TSNARE1: variants seen among roughly 807,000 people sequenced by gnomAD.
The protein encoded by TSNARE1 is t-SNARE domain containing 1, also known as t-SNARE domain-containing protein 1.
Under a neutral mutation model 62.0 loss-of-function variants are expected in TSNARE1, and 49 were observed. The ratio of observed to expected loss-of-function variants is 0.79; its 90% CI spans 0.63 to 1.00. The LOEUF is 1.00. Ranked by LOEUF, TSNARE1 falls within the 50% of genes least tolerant of loss-of-function variation. The pLI is 0.00. For synonymous variants in TSNARE1, 328 were observed against 294.4 expected, an observed-to-expected ratio of 1.11 and a Z score of -1.17; for missense variants, 755 against 700.1, an observed-to-expected ratio of 1.08 and a Z score of -0.88.
chr8:142,257,184 G>A (rs1818627826), intron 12 of TSNARE1, among the ~76,000 whole-genome samples: 1 of 152,182 alleles, frequency 6.6e-6, no homozygotes, highest in Non-Finnish European at 1.5e-5. Context: ...CCCACTTCGG[G>A]GGTGACCTTG....
At chr8:142,295,028 T>C (rs1824449658) in intron 10 of TSNARE1, among the ~76,000 whole-genome samples, 1 of 152,128 alleles carries the variant, frequency 6.6e-6, no homozygotes, top group Non-Finnish European at 1.5e-5. Context: ...CACCAGGGGC[T>C]ACCCAAGGCT....
In TSNARE1 at chr8:142,292,000, T is replaced by C. The variant is rs894824780; in HGVS notation, c.1291-7515A>G. The stretch of plus-strand genomic sequence containing the variant: ...CCCACCTGTTTCAAGCAGAATGTGA[T>C]AGAAGGGACACTGTAGGGTTTCTGA... On this transcript the variant is annotated intron_variant, in intron 10 of 13. Transcript: ENST00000524325. This position sits in a 1 kb window ranked among gnomAD's most constrained non-coding sequence, Gnocchi z 4.8. Among the ~76,000 whole-genome samples, 4 of 150,724 alleles carry C rather than the reference T, an allele frequency of 2.7e-5. No homozygotes were observed. Among genetic ancestry groups the C allele is most frequent in the African/African-American group, 9.8e-5 (4 of 40,750 alleles).
At chr8:142,398,580 C>T (rs1453051162) in intron 1 of TSNARE1, among the ~76,000 whole-genome samples, 2 of 152,198 alleles carry the variant, frequency 1.3e-5, no homozygotes, top group African/African-American at 4.8e-5. Flanking sequence ...CACCTCCTCA[C>T]TCCACTGCCT....
chr8:142,312,107 T>A (rs1205661700), intron 9 of TSNARE1, among the ~76,000 whole-genome samples: 1 of 152,232 alleles, frequency 6.6e-6, no homozygotes, highest in African/African-American at 2.4e-5. Flanking sequence ...ACTTATTGGA[T>A]GAACATTCCT....
chr8:142,389,664 T>G (rs1467435576), intron 1 of TSNARE1, among the ~76,000 whole-genome samples: 2 of 152,140 alleles, frequency 1.3e-5, no homozygotes, highest in African/African-American at 2.4e-5. Context: ...CTGGACTGAT[T>G]CCAAAAGATC....
At chr8:142,285,417 T>G (rs1822556058) in intron 10 of TSNARE1, among the ~76,000 whole-genome samples, 1 of 121,598 alleles carries the variant, frequency 8.2e-6, no homozygotes, top group Non-Finnish European at 1.7e-5. Flanking sequence ...GGTGGATGGA[T>G]GGATGGATGG....
At chr8:142,215,899 C>T (rs1815808558) in intron 13 of TSNARE1, among the ~76,000 whole-genome samples, 1 of 152,240 alleles carries the variant, frequency 6.6e-6, no homozygotes, top group Non-Finnish European at 1.5e-5. Flanking sequence ...GCCTGCACCC[C>T]AGGCTGGCTT....
At chr8:142,368,213 G>A (rs915660269) in intron 1 of TSNARE1, among the ~76,000 whole-genome samples, 2 of 150,948 alleles carry the variant, frequency 1.3e-5, no homozygotes, top group South Asian at 2.1e-4. Context: ...GCCAAAGGAC[G>A]AATATTATCC....
intron 1 of TSNARE1, among the ~76,000 whole-genome samples, chr8:142,399,746 C>T (rs891752416): frequency 6.6e-6 from 1 of 152,180 alleles, no homozygotes; most frequent in African/African-American, 2.4e-5. Context: ...AGGAGGGCTG[C>T]TCAGGAGTCT....
chr8:142,275,840 C>T (rs1820389835), intron 11 of TSNARE1: 1 of 880,146 alleles, frequency 1.1e-6, no homozygotes. Context: ...GGGACTGCTG[C>T]CAGGCACAGC....
intron 12 of TSNARE1, among the ~76,000 whole-genome samples, chr8:142,251,723 G>A (rs1818173003): frequency 6.6e-6 from 1 of 151,060 alleles, no homozygotes; most frequent in Non-Finnish European, 1.5e-5. Flanking sequence ...CGGGCACCAT[G>A]TACCCGCCAC....
chr8:142,270,938 T>C (rs1395625834), intron 12 of TSNARE1: 3 of 985,258 alleles, frequency 3.0e-6, no homozygotes, highest in South Asian at 4.7e-5. Flanking sequence ...ACAGCCCACA[T>C]CCTCTCATCC....
chr8:142,301,940 G>A (rs891702201), intron 9 of TSNARE1, among the ~76,000 whole-genome samples: 4 of 152,208 alleles, frequency 2.6e-5, no homozygotes, highest in African/African-American at 9.6e-5. Flanking sequence ...ATCAAGGTTC[G>A]GTGAGTGCAA....
intron 9 of TSNARE1, 78 bp from the exon 10 acceptor site, chr8:142,300,722 A>G: frequency 6.7e-7 from 1 of 1,502,294 alleles, no homozygotes; most frequent in South Asian, 1.2e-5. Context: ...ATTCAACAAA[A>G]TGGTGCTTTT....
intron 9 of TSNARE1, among the ~76,000 whole-genome samples, chr8:142,305,304 G>C (rs1481137546): frequency 6.8e-6 from 1 of 146,098 alleles, no homozygotes; most frequent in East Asian, 2.2e-4. Context: ...GCCACCTCCT[G>C]CATGTGGAGA....
chr8:142,298,694 A>T (rs1825171467), intron 10 of TSNARE1, among the ~76,000 whole-genome samples: 1 of 152,078 alleles, frequency 6.6e-6, no homozygotes, highest in African/African-American at 2.4e-5. Flanking sequence ...CTTAATCAAT[A>T]AGCAGCGCCT....
At chr8:142,236,798 T>C (rs996924683) in intron 12 of TSNARE1, among the ~76,000 whole-genome samples, 2 of 152,152 alleles carry the variant, frequency 1.3e-5, no homozygotes, top group Admixed American at 6.5e-5. Flanking sequence ...TGCATATTCA[T>C]TGCCTATGTG....
chr8:142,363,409 T>TAAAGCCCC (rs1356680500), intron 1 of TSNARE1, among the ~76,000 whole-genome samples: 1 of 152,040 alleles, frequency 6.6e-6, no homozygotes, highest in Non-Finnish European at 1.5e-5. Context: ...AGATGTGGGT[T>TAAAGCCCC]AAAGCCCCGA....
chr8:142,336,900 T>C (rs1326909169), intron 4 of TSNARE1, among the ~76,000 whole-genome samples: 1 of 152,128 alleles, frequency 6.6e-6, no homozygotes, highest in Non-Finnish European at 1.5e-5. Flanking sequence ...CACAACACAC[T>C]TCTAAATAAT....
Sources: gnomAD v4.1 joint callset for allele counts (sites outside exome capture counted in the v4.1 genomes callset) on GRCh38, gnomAD v4.1.1 for gene constraint, Gnocchi (gnomAD v3.1) non-coding constraint, MANE v1.5 for transcripts, NCBI Gene and HGNC (gene_info 2026-07-23, HGNC 2026-07-21) for gene names.